PSD3: variants seen among roughly 807,000 people sequenced by gnomAD.
PSD3 encodes the protein pleckstrin and Sec7 domain containing 3.
A neutral mutation model predicts 105.5 loss-of-function variants in PSD3; 49 were observed. The ratio of observed to expected loss-of-function variants is 0.46; its 90% CI spans 0.37 to 0.59. The LOEUF is 0.59. Among genes scored for constraint, PSD3 ranks in the 20% least tolerant of loss-of-function variants. The probability of loss-of-function intolerance (pLI) is 0.00; values close to 1 mark genes in which losing one functional copy is unlikely to be tolerated. For missense variants in PSD3, 1,561 were observed against 1,263.8 expected, an observed-to-expected ratio of 1.24 and a Z score of -3.57; for synonymous variants, 557 against 457.8, an observed-to-expected ratio of 1.22 and a Z score of -2.77.
intron 8 of PSD3, among the ~76,000 whole-genome samples, chr8:18,770,709 G>C (rs1473778151): frequency 6.6e-6 from 1 of 152,190 alleles, no homozygotes; most frequent in Non-Finnish European, 1.5e-5. Context: ...GAAGTGTTTG[G>C]GTGCTCTTTT....
At chr8:18,852,625 T>C (rs1012279859) in intron 4 of PSD3, among the ~76,000 whole-genome samples, 1 of 152,168 alleles carries the variant, frequency 6.6e-6, no homozygotes, top group African/African-American at 2.4e-5. Flanking sequence ...CCAGCCCCCG[T>C]TGCCACTGAA....
At position 18,994,162 on chromosome 8, in the gene PSD3, T is replaced by C. The variant is rs531584742; in HGVS notation, c.21+19401A>G. ...GTCATGACAGGACCTATCTACCTTA[T>C]GAGGGGCAGTAAATTATCCTAAACA... On this transcript the variant is annotated intron_variant, in intron 1 of 15. Coordinates refer to ENST00000327040, the MANE Select transcript of PSD3 (RefSeq NM_015310.4). 4.6e-5 allele frequency among the ~76,000 whole-genome samples: 7 copies of C among 152,160 alleles called. 1 individual carries two copies. The highest frequency in any genetic ancestry group is 6.8e-3 in the Middle Eastern group (2 of 292).
chr8:18,761,984 T>G (rs1280725305), intron 9 of PSD3, among the ~76,000 whole-genome samples: 1 of 152,168 alleles, frequency 6.6e-6, no homozygotes, highest in Non-Finnish European at 1.5e-5. Context: ...AATATGAGAA[T>G]GTCTTTGGGT....
At chr8:19,026,795 T>G (rs1173299937) in intron 1 of PSD3, among the ~76,000 whole-genome samples, 2 of 150,250 alleles carry the variant, frequency 1.3e-5, no homozygotes. Context: ...ATCGCTTGAG[T>G]CCAGGAGTTT....
chr8:18,643,811 T>C (rs11785801), intron 10 of PSD3, among the ~76,000 whole-genome samples: 11,368 of 152,266 alleles, frequency 0.075, 564 homozygotes, highest in African/African-American at 0.14. Context: ...TCTTTTGAAA[T>C]CTAGGTAAAG....
At chr8:18,667,986 C>G (rs1032208763) in intron 9 of PSD3, among the ~76,000 whole-genome samples, 2 of 152,242 alleles carry the variant, frequency 1.3e-5, no homozygotes, top group Non-Finnish European at 2.9e-5. Flanking sequence ...AGTGTGGGGC[C>G]CGCGGAAGCC....
At chr8:18,758,122 C>CTATA (rs1423343066) in intron 9 of PSD3, among the ~76,000 whole-genome samples, 1 of 152,132 alleles carries the variant, frequency 6.6e-6, no homozygotes, top group Non-Finnish European at 1.5e-5. Flanking sequence ...ATCTGCAAAA[C>CTATA]TATAGTATGA....
In PSD3 at chr8:18,529,975, T is replaced by G. The variant is rs1296556045; in HGVS notation, c.*5768A>C. Reference sequence around the variant, plus strand: ...CAAAAATAGTTTGAGACTATAGAGTTAATTAACAACAACAAAAAAATGCCT... The same window carrying G: ...CAAAAATAGTTTGAGACTATAGAGTGAATTAACAACAACAAAAAAATGCCT... On this transcript the variant is annotated 3_prime_UTR_variant, in exon 16 of 16. Transcript: ENST00000327040. 6.6e-6 allele frequency: 1 copy of G among 152,330 alleles called. No homozygotes were observed. The highest frequency in any genetic ancestry group is 1.5e-5 in the Non-Finnish European group (1 of 68,030). The allele number at this position is 152,330 out of a possible 1,614,324, so 9.4% of individuals were successfully genotyped here. A position where few individuals can be genotyped will look rare whatever the true frequency, so the allele number is the denominator to read the frequency against.
intron 8 of PSD3, among the ~76,000 whole-genome samples, chr8:18,780,852 C>A (rs1256185947): frequency 6.6e-6 from 1 of 152,254 alleles, no homozygotes; most frequent in Middle Eastern, 3.4e-3. Context: ...CCGCGCCTGG[C>A]CCAGAGTTTT....
chr8:18,998,695 C>CA (rs1365574788), intron 1 of PSD3, among the ~76,000 whole-genome samples: 4 of 151,570 alleles, frequency 2.6e-5, no homozygotes, highest in African/African-American at 9.7e-5. Flanking sequence ...TCCACAAAAA[C>CA]AAAAAACAAA....
chr8:19,020,147 C>T (rs111681987), intron 1 of PSD3, among the ~76,000 whole-genome samples: 12 of 152,176 alleles, frequency 7.9e-5, no homozygotes, highest in South Asian at 2.1e-4. Flanking sequence ...CTGACTCTAG[C>T]GGAGCACAAA....
At chr8:18,752,514 TATGTA>T (rs1805602895) in intron 9 of PSD3, among the ~76,000 whole-genome samples, 2 of 83,564 alleles carry the variant, frequency 2.4e-5, no homozygotes, top group African/African-American at 1.6e-4. Flanking sequence ...ATATATAATA[TATGTA>T]ATATATATAA....
intron 2 of PSD3, among the ~76,000 whole-genome samples, chr8:18,925,597 A>G (rs1821312769): frequency 6.6e-6 from 1 of 152,136 alleles, no homozygotes; most frequent in Admixed American, 6.5e-5. Context: ...GCGGATGATG[A>G]CATTAATTAA....
chr8:18,538,427 T>C (rs925118214), intron 15 of PSD3, among the ~76,000 whole-genome samples: 1 of 152,194 alleles, frequency 6.6e-6, no homozygotes, highest in African/African-American at 2.4e-5. Flanking sequence ...GACATAAAGA[T>C]TCTAAACGCC....
chr8:18,834,826 G>C (rs1426944342), intron 4 of PSD3, among the ~76,000 whole-genome samples: 2 of 152,098 alleles, frequency 1.3e-5, no homozygotes, highest in African/African-American at 4.8e-5. Flanking sequence ...TCCTGTTCTT[G>C]GATATAAACC....
chr8:19,073,980 C>T (rs1345915875), intron 1 of PSD3, among the ~76,000 whole-genome samples: 2 of 151,812 alleles, frequency 1.3e-5, no homozygotes, highest in Admixed American at 6.6e-5. Context: ...TTAGTAGAGA[C>T]GAGGTTTCAC....
chr8:18,550,536 T>C (rs781379626), intron 15 of PSD3, among the ~76,000 whole-genome samples: 4 of 152,198 alleles, frequency 2.6e-5, no homozygotes, highest in Non-Finnish European at 5.9e-5. Flanking sequence ...AAGTCAAAAA[T>C]ATATTTACAC....
chr8:18,568,354 T>G (rs529749191), intron 14 of PSD3, among the ~76,000 whole-genome samples: 22 of 152,286 alleles, frequency 1.4e-4, no homozygotes, highest in African/African-American at 5.3e-4. Context: ...GAAAATTGCT[T>G]ATCAAGTGCC....
At position 18,527,769 on chromosome 8, in the gene PSD3, C is replaced by G. The variant is rs988620097; in HGVS notation, c.*7974G>C. On this transcript the variant is annotated 3_prime_UTR_variant, in exon 16 of 16. Coordinates refer to ENST00000327040, the MANE Select transcript of PSD3 (RefSeq NM_015310.4). Reference sequence around the variant, plus strand: ...TTCTAGAAGACGGCATTTCCAGAATCTGGTAGGTGGTGATGAGGAACAGGT... The same window carrying G: ...TTCTAGAAGACGGCATTTCCAGAATGTGGTAGGTGGTGATGAGGAACAGGT... 6.6e-6 allele frequency: 1 copy of G among 152,554 alleles called. No homozygotes were observed. The highest frequency in any genetic ancestry group is 2.4e-5 in the African/African-American group (1 of 41,458). The allele number at this position is 152,554 out of a possible 1,614,324, so 9.5% of individuals were successfully genotyped here.
Sources: allele counts gnomAD v4.1 joint callset (sites outside exome capture counted in the v4.1 genomes callset), GRCh38; gene constraint gnomAD v4.1.1; transcripts MANE v1.5; gene names NCBI Gene and HGNC (gene_info 2026-07-23, HGNC 2026-07-21).